Variants in FLT1 observed in about 807,000 individuals in gnomAD.
FLT1 encodes vascular endothelial growth factor receptor 1.
Under a neutral mutation model 156.3 loss-of-function variants are expected in FLT1, and 49 were observed. The observed-to-expected ratio is 0.31, with a 90% CI of 0.25 to 0.40. FLT1 has a LOEUF of 0.40. Among genes scored for constraint, FLT1 ranks in the 10% least tolerant of loss-of-function variants. The pLI, the probability that FLT1 is intolerant of heterozygous loss-of-function variation, is 1.00. For missense variants in FLT1, 1,322 were observed against 1,637.2 expected, an observed-to-expected ratio of 0.81 and a Z score of 3.32; for synonymous variants, 594 against 583.8, an observed-to-expected ratio of 1.02 and a Z score of -0.25.
intron 13 of FLT1, chr13:28,389,181 T>G: frequency 1.8e-6 from 2 of 1,081,230 alleles, no homozygotes; most frequent in Non-Finnish European, 1.1e-6. Flanking sequence ...TAAATAAGCA[T>G]TATAACTTGC....
intron 10 of FLT1, among the ~76,000 whole-genome samples, chr13:28,417,472 T>C (rs1015470424): frequency 5.9e-4 from 90 of 152,258 alleles, no homozygotes; most frequent in African/African-American, 2.1e-3. Context: ...TTTGGCCAGA[T>C]TATAAGCACC....
intron 1 of FLT1, among the ~76,000 whole-genome samples, chr13:28,494,077 C>G (rs1881611740): frequency 6.6e-6 from 1 of 152,204 alleles, no homozygotes; most frequent in African/African-American, 2.4e-5. Flanking sequence ...GGTGGCTGAG[C>G]GCAGCGCACT....
intron 24 of FLT1, among the ~76,000 whole-genome samples, chr13:28,318,221 C>A (rs893976449): frequency 6.6e-6 from 1 of 152,136 alleles, no homozygotes; most frequent in Non-Finnish European, 1.5e-5. Context: ...TTTCTTGCAA[C>A]CTTCCTATAG....
At position 28,311,587 on chromosome 13, in the gene FLT1, T is replaced by C. The variant is rs376530112; in HGVS notation, c.3635+3A>G. On this transcript the variant is annotated splice_donor_region_variant and intron_variant, in intron 27 of 29. Transcript: ENST00000282397. Reference sequence around the variant, plus strand: ...GATATAAAGTTTGAGAAAGAAATCTTACCTGACATCATCAGAGCTTCCTGA... The same window carrying C: ...GATATAAAGTTTGAGAAAGAAATCTCACCTGACATCATCAGAGCTTCCTGA... 2.1e-5 allele frequency: 34 copies of C among 1,612,386 alleles called. No homozygotes were observed. The African/African-American group carries it at 4.5e-4, about 22-fold the overall frequency.
chr13:28,441,234 A>C (rs553559063), intron 3 of FLT1, among the ~76,000 whole-genome samples: 29 of 152,324 alleles, frequency 1.9e-4, no homozygotes, highest in South Asian at 1.0e-3. Flanking sequence ...CACAGTGCGC[A>C]TGTGGCTCCT....
intron 3 of FLT1, among the ~76,000 whole-genome samples, chr13:28,454,926 A>T (rs944974742): frequency 1.3e-5 from 2 of 152,366 alleles, no homozygotes; most frequent in Non-Finnish European, 2.9e-5. Flanking sequence ...TGAAACACCT[A>T]GACATAAGTC....
intron 10 of FLT1, among the ~76,000 whole-genome samples, chr13:28,414,025 A>G (rs753357581): frequency 6.6e-6 from 1 of 152,196 alleles, no homozygotes; most frequent in Non-Finnish European, 1.5e-5. Flanking sequence ...AGCCCACAAA[A>G]TCACTTTTAA....
chr13:28,378,325 G>A (rs569431382), intron 14 of FLT1, among the ~76,000 whole-genome samples: 2 of 152,280 alleles, frequency 1.3e-5, no homozygotes, highest in East Asian at 1.9e-4. Flanking sequence ...GGGATTACAG[G>A]CATGAGCCAG....
At chr13:28,416,215 C>T (rs1876639842) in intron 10 of FLT1, among the ~76,000 whole-genome samples, 1 of 152,178 alleles carries the variant, frequency 6.6e-6, no homozygotes, top group African/African-American at 2.4e-5. Context: ...ATCATACAGC[C>T]AATGGATGCC....
chr13:28,478,381 C>A (rs779330491), intron 1 of FLT1, among the ~76,000 whole-genome samples: 1 of 152,168 alleles, frequency 6.6e-6, no homozygotes, highest in Non-Finnish European at 1.5e-5. Flanking sequence ...TGTTCAGTGT[C>A]AAAGTTCCAG....
intron 4 of FLT1, 49 bp downstream of exon 4, chr13:28,438,172 T>C (rs1051017747): frequency 2.5e-6 from 4 of 1,587,370 alleles, no homozygotes; most frequent in East Asian, 2.2e-5. Context: ...AACTTCATTA[T>C]GCTTATTTGC....
At chr13:28,307,920 C>T (rs1341049730) in intron 28 of FLT1, among the ~76,000 whole-genome samples, 1 of 152,142 alleles carries the variant, frequency 6.6e-6, no homozygotes, top group Non-Finnish European at 1.5e-5. Flanking sequence ...TACAGGAGCC[C>T]ACCACCACGC....
intron 3 of FLT1, among the ~76,000 whole-genome samples, chr13:28,454,388 G>A (rs566480159): frequency 5.3e-5 from 8 of 152,196 alleles, no homozygotes; most frequent in East Asian, 3.9e-4. Context: ...TAATAAACTC[G>A]TATATAGTGC....
At chr13:28,333,628 G>A (rs1872008504) in intron 18 of FLT1, among the ~76,000 whole-genome samples, 1 of 152,274 alleles carries the variant, frequency 6.6e-6, no homozygotes, top group Non-Finnish European at 1.5e-5. Context: ...TTATAGTCAG[G>A]TCAAGCCCAA....
Position 28,303,002 on chromosome 13 carries a change from T to C in FLT1, c.*165A>G. On this transcript the variant is annotated 3_prime_UTR_variant, in exon 30 of 30. Transcript: ENST00000282397. ...ATTTCTCTATCTGGAGTTACATTCT[T>C]GTTAGTCAAAAAAAAAAAAGCACTA... 1.6e-6 allele frequency: 1 copy of C among 611,468 alleles called. No homozygotes were observed. Among genetic ancestry groups the C allele is most frequent in the Non-Finnish European group, 2.8e-6 (1 of 353,452 alleles). The allele number at this position is 611,468 out of a possible 1,614,324, so 37.9% of individuals were successfully genotyped here.
chr13:28,462,320 T>G (rs1879624845), intron 3 of FLT1, among the ~76,000 whole-genome samples: 1 of 152,224 alleles, frequency 6.6e-6, no homozygotes, highest in African/African-American at 2.4e-5. Context: ...AAGGCTGACC[T>G]GGAGCCCATT....
intron 15 of FLT1, among the ~76,000 whole-genome samples, chr13:28,356,723 C>A (rs1215519068): frequency 6.6e-6 from 1 of 152,174 alleles, no homozygotes; most frequent in Non-Finnish European, 1.5e-5. Context: ...ATTCTGAAGT[C>A]GACTGGTTAG....
chr13:28,426,253 T>G (rs919500502), intron 10 of FLT1, among the ~76,000 whole-genome samples: 1 of 152,078 alleles, frequency 6.6e-6, no homozygotes, highest in Non-Finnish European at 1.5e-5. Context: ...TATCTTATTG[T>G]TGCACCTATC....
intron 10 of FLT1, among the ~76,000 whole-genome samples, chr13:28,412,094 T>C (rs1485735545): frequency 6.6e-6 from 1 of 151,788 alleles, no homozygotes; most frequent in Non-Finnish European, 1.5e-5. Context: ...TTTAAAAAAA[T>C]AGGAAGGAAA....
Sources: gnomAD v4.1 joint callset for allele counts (sites outside exome capture counted in the v4.1 genomes callset) on GRCh38, gnomAD v4.1.1 for gene constraint, MANE v1.5 for transcripts, NCBI Gene and HGNC (gene_info 2026-07-23, HGNC 2026-07-21) for gene names.